RBMS1: variants seen among roughly 807,000 people sequenced by gnomAD.
RBMS1 encodes RNA binding motif single stranded interacting protein 1, also known as RNA-binding motif, single-stranded-interacting protein 1.
In RBMS1, 17 loss-of-function variants were observed where a neutral mutation model predicts 62.3. The ratio of observed to expected loss-of-function variants is 0.27; its 90% CI spans 0.19 to 0.41. RBMS1 has a LOEUF of 0.41. RBMS1 is among the 10% of genes least tolerant of loss of function. RBMS1 has a pLI of 1.00. For missense variants in RBMS1, 334 were observed against 504.5 expected, an observed-to-expected ratio of 0.66 and a Z score of 3.24; for synonymous variants, 172 against 170.0, an observed-to-expected ratio of 1.01 and a Z score of -0.09.
intron 2 of RBMS1, among the ~76,000 whole-genome samples, chr2:160,356,208 G>A (rs748135496): frequency 2.6e-5 from 4 of 152,090 alleles, no homozygotes; most frequent in African/African-American, 4.8e-5. Context: ...AGCTAACCAG[G>A]AGCTGAGTTT....
chr2:160,331,418 T>C (rs1313252517), intron 2 of RBMS1, among the ~76,000 whole-genome samples: 2 of 152,202 alleles, frequency 1.3e-5, no homozygotes, highest in Non-Finnish European at 2.9e-5. Context: ...ACTCTGCCCA[T>C]GGCATCCTGT....
At chr2:160,342,390 A>G (rs945432709) in intron 2 of RBMS1, among the ~76,000 whole-genome samples, 1 of 152,178 alleles carries the variant, frequency 6.6e-6, no homozygotes, top group Non-Finnish European at 1.5e-5. Flanking sequence ...AGACTAAGTT[A>G]GAGTCACAGC....
intron 4 of RBMS1, among the ~76,000 whole-genome samples, chr2:160,308,281 G>A (rs1228819843): frequency 2.0e-5 from 3 of 152,044 alleles, no homozygotes; most frequent in African/African-American, 7.3e-5. Context: ...TGTAGTCCCA[G>A]CTACTCAGGA....
At chr2:160,333,419 C>T (rs1691390064) in intron 2 of RBMS1, among the ~76,000 whole-genome samples, 1 of 152,142 alleles carries the variant, frequency 6.6e-6, no homozygotes, top group African/African-American at 2.4e-5. Flanking sequence ...TTTGTTTTAC[C>T]TGGGTCAGCC....
intron 7 of RBMS1, 150 bp from the exon 8 acceptor site, chr2:160,285,194 G>A (rs1688313466): frequency 2.8e-6 from 2 of 712,818 alleles, no homozygotes; most frequent in African/African-American, 1.8e-5. Context: ...AGGAGTTCGA[G>A]GCTGTAGTTA....
intron 1 of RBMS1, 63 bp from the exon 2 acceptor site, chr2:160,367,454 G>A: frequency 6.3e-7 from 1 of 1,586,596 alleles, no homozygotes; most frequent in Non-Finnish European, 8.6e-7. Context: ...CAAATAAAAT[G>A]AAGTTACCAA....
intron 1 of RBMS1, among the ~76,000 whole-genome samples, chr2:160,387,651 G>A (rs1467068146): frequency 6.6e-6 from 1 of 152,074 alleles, no homozygotes; most frequent in Non-Finnish European, 1.5e-5. Context: ...GAAAGAAAAT[G>A]GAAACTCATT....
chr2:160,398,169 C>A (rs1695242839), intron 1 of RBMS1, among the ~76,000 whole-genome samples: 1 of 152,196 alleles, frequency 6.6e-6, no homozygotes, highest in African/African-American at 2.4e-5. Flanking sequence ...AAACCAAACT[C>A]ACTGCCTTTC....
chr2:160,356,737 C>A (rs1251372177), intron 2 of RBMS1, among the ~76,000 whole-genome samples: 1 of 152,144 alleles, frequency 6.6e-6, no homozygotes, highest in Non-Finnish European at 1.5e-5. Context: ...AAATTAACTT[C>A]TTTCCTTTAT....
At chr2:160,336,644 T>C (rs1312463868) in intron 2 of RBMS1, among the ~76,000 whole-genome samples, 1 of 152,200 alleles carries the variant, frequency 6.6e-6, no homozygotes, top group Non-Finnish European at 1.5e-5. Flanking sequence ...ATCTCCAAAA[T>C]ATTATCATTT....
intron 1 of RBMS1, among the ~76,000 whole-genome samples, chr2:160,481,665 T>A (rs1685377677): frequency 6.6e-6 from 1 of 152,182 alleles, no homozygotes; most frequent in Middle Eastern, 3.2e-3. Flanking sequence ...TATATCCCAA[T>A]AAAGTTGTTA....
At chr2:160,313,293 T>G in intron 3 of RBMS1, 46 bp from the exon 4 acceptor site, 1 of 1,577,286 alleles carries the variant, frequency 6.3e-7, no homozygotes, top group Non-Finnish European at 8.7e-7. Flanking sequence ...TATTCTGTGG[T>G]TAGGTAAAAG....
chr2:160,369,336 A>C (rs1279219061), intron 1 of RBMS1, among the ~76,000 whole-genome samples: 1 of 152,138 alleles, frequency 6.6e-6, no homozygotes, highest in African/African-American at 2.4e-5. Flanking sequence ...CACAGGTGGC[A>C]CCTCAGAGCA....
intron 1 of RBMS1, among the ~76,000 whole-genome samples, chr2:160,371,591 T>C (rs1307179060): frequency 6.6e-6 from 1 of 152,364 alleles, no homozygotes; most frequent in Middle Eastern, 3.4e-3. Context: ...TTAATTTGCA[T>C]GCCAAAATGG....
At chr2:160,360,469 C>T (rs558074416) in intron 2 of RBMS1, among the ~76,000 whole-genome samples, 22 of 152,288 alleles carry the variant, frequency 1.4e-4, no homozygotes, top group Admixed American at 5.9e-4. Flanking sequence ...AAAATGTTAG[C>T]GTTAACTGTC....
At chr2:160,438,576 A>G (rs181409947) in intron 1 of RBMS1, among the ~76,000 whole-genome samples, 3,878 of 152,092 alleles carry the variant, frequency 0.025, 69 homozygotes, top group Middle Eastern at 0.061. Flanking sequence ...AGGATTGGGG[A>G]TAAGGTCACC....
chr2:160,465,175 T>C (rs1228053668), intron 1 of RBMS1, among the ~76,000 whole-genome samples: 5 of 152,234 alleles, frequency 3.3e-5, no homozygotes, highest in African/African-American at 1.2e-4. Context: ...TCACCATTAA[T>C]GACAAAAGCA....
chr2:160,344,647 G>A (rs1195812523), intron 2 of RBMS1, among the ~76,000 whole-genome samples: 1 of 152,122 alleles, frequency 6.6e-6, no homozygotes, highest in African/African-American at 2.4e-5. Context: ...ATTTACAACT[G>A]TGTTCATTTT....
At chr2:160,317,610 C>T (rs757476349) in intron 3 of RBMS1, among the ~76,000 whole-genome samples, 6 of 152,060 alleles carry the variant, frequency 3.9e-5, no homozygotes, top group Admixed American at 6.6e-5. Context: ...TTCAAAGGGG[C>T]GCATGACCTC....
Sources: gnomAD v4.1 joint callset for allele counts (sites outside exome capture counted in the v4.1 genomes callset) on GRCh38, gnomAD v4.1.1 for gene constraint, MANE v1.5 for transcripts, NCBI Gene and HGNC (gene_info 2026-07-23, HGNC 2026-07-21) for gene names.